ADCY1: variants seen among roughly 807,000 people sequenced by gnomAD.
ADCY1 encodes the protein adenylate cyclase 1.
Under a neutral mutation model 105.4 loss-of-function variants are expected in ADCY1, and 28 were observed. The observed-to-expected ratio is 0.27, with a 90% CI of 0.20 to 0.36. ADCY1 has a LOEUF of 0.36. ADCY1 is among the 10% of genes least tolerant of loss of function. The pLI is 1.00. For missense variants in ADCY1, 977 were observed against 1,434.2 expected (o/e 0.68, Z 5.15); for synonymous variants, 655 against 623.8 (o/e 1.05, Z -0.75).
chr7:45,658,068 G>A (rs1169383691), intron 6 of ADCY1, among the ~76,000 whole-genome samples, 183 bp downstream of exon 6: 3 of 152,222 alleles, frequency 2.0e-5, no homozygotes, highest in African/African-American at 7.2e-5. Context: ...GTCCCACCCA[G>A]CCTGGCTGCC....
At chr7:45,610,356 C>T (rs1793499870) in intron 2 of ADCY1, 23 bp from the exon 3 acceptor site, 2 of 1,605,480 alleles carry the variant, frequency 1.2e-6, no homozygotes, top group East Asian at 2.2e-5. Context: ...GCTGTCTAAC[C>T]CGGGCCCTTC....
intron 1 of ADCY1, 23 bp from the exon 2 acceptor site, chr7:45,592,736 G>C (rs780924447): frequency 1.2e-6 from 2 of 1,613,542 alleles, no homozygotes; most frequent in Admixed American, 1.7e-5. Flanking sequence ...GGCTCCACAT[G>C]TTGCCTCCTT....
intron 11 of ADCY1, among the ~76,000 whole-genome samples, chr7:45,681,776 C>G (rs1037674564): frequency 2.0e-5 from 3 of 152,174 alleles, no homozygotes; most frequent in Admixed American, 6.5e-5. Flanking sequence ...AGGAAGCCAG[C>G]AGGGGATAGG....
intron 2 of ADCY1, among the ~76,000 whole-genome samples, chr7:45,607,351 A>G (rs1289183412): frequency 2.0e-5 from 3 of 152,158 alleles, no homozygotes; most frequent in Non-Finnish European, 4.4e-5. Context: ...TCATCCTCCT[A>G]AACCAAGATG....
At chr7:45,664,018 A>G (rs1795201745) in intron 8 of ADCY1, among the ~76,000 whole-genome samples, 2 of 152,036 alleles carry the variant, frequency 1.3e-5, no homozygotes. Context: ...AAGAGGAAAC[A>G]TAGGGGTAAG....
In ADCY1 at chr7:45,657,897, A is replaced by AAGGGGGGGGG; in HGVS notation, c.1307+12_1307+13insAGGGGGGGGG. 1 of 422,782 alleles carries AAGGGGGGGGG rather than the reference A, an allele frequency of 2.4e-6. No homozygotes were observed. Among genetic ancestry groups the AAGGGGGGGGG allele is most frequent in the Non-Finnish European group, 4.6e-6 (1 of 217,114 alleles). 26.2% of individuals were successfully genotyped at this position (422,782 alleles called of 1,614,324 possible). A position where few individuals can be genotyped will look rare whatever the true frequency, so the allele number is the denominator to read the frequency against. On this transcript the variant is annotated intron_variant, in intron 6 of 19. Transcript: ENST00000297323. ...GCTGGCCTGCCAGGGTAAGTCGGGG[A>AAGGGGGGGGG]TGGGGTGGGGAGGGGAGGGAGGTGG... is the stretch of plus-strand genomic sequence containing the variant.
At chr7:45,648,334 A>G (rs1057240279) in intron 4 of ADCY1, among the ~76,000 whole-genome samples, 5 of 152,230 alleles carry the variant, frequency 3.3e-5, no homozygotes, top group African/African-American at 1.2e-4. Flanking sequence ...GTTGGGGAAG[A>G]TGCCCCATGG....
At chr7:45,619,905 T>C (rs988743311) in intron 3 of ADCY1, among the ~76,000 whole-genome samples, 1 of 152,214 alleles carries the variant, frequency 6.6e-6, no homozygotes. Context: ...TTTAATTACC[T>C]TGATTGTGTC....
At chr7:45,629,818 C>T (rs555857081) in intron 4 of ADCY1, among the ~76,000 whole-genome samples, 18 of 152,258 alleles carry the variant, frequency 1.2e-4, no homozygotes, top group African/African-American at 3.4e-4. Context: ...CGCGCCCGGC[C>T]GTATGCTTAA....
intron 11 of ADCY1, among the ~76,000 whole-genome samples, chr7:45,682,453 C>A (rs1351147447): frequency 2.0e-5 from 3 of 152,118 alleles, no homozygotes; most frequent in African/African-American, 7.2e-5. Context: ...GAGGTGTGCA[C>A]TGGCTGGACC....
intron 4 of ADCY1, among the ~76,000 whole-genome samples, chr7:45,634,016 G>C (rs956391078): frequency 2.0e-5 from 3 of 152,112 alleles, no homozygotes; most frequent in Non-Finnish European, 4.4e-5. Flanking sequence ...ATTTTCAACT[G>C]TGTGGGGGGT....
chr7:45,584,465 C>T (rs538097830), intron 1 of ADCY1, among the ~76,000 whole-genome samples: 3 of 152,338 alleles, frequency 2.0e-5, no homozygotes, highest in Admixed American at 2.0e-4. Flanking sequence ...CCCTTCACAG[C>T]AGGGCCATGC....
At chr7:45,657,920 T>TGGGCTGGG in intron 6 of ADCY1, 35 bp downstream of exon 6, 1 of 460,306 alleles carries the variant, frequency 2.2e-6, no homozygotes, top group Non-Finnish European at 4.1e-6. Context: ...GGGAGGGAGG[T>TGGGCTGGG]GGGTGATGGC....
chr7:45,651,321 G>A (rs893453163), intron 5 of ADCY1, among the ~76,000 whole-genome samples: 5 of 152,130 alleles, frequency 3.3e-5, no homozygotes, highest in Non-Finnish European at 7.4e-5. Flanking sequence ...CCTTCTGTTG[G>A]GACCATCTTG....
At chr7:45,695,182 A>G (rs1020760005) in intron 14 of ADCY1, among the ~76,000 whole-genome samples, 2 of 152,066 alleles carry the variant, frequency 1.3e-5, no homozygotes, top group Non-Finnish European at 2.9e-5. Flanking sequence ...ACTGTCTTTC[A>G]TTGCCTCCTG....
At chr7:45,657,933 T>C (rs756107757) in intron 6 of ADCY1, 48 bp downstream of exon 6, 6 of 1,546,642 alleles carry the variant, frequency 3.9e-6, no homozygotes, top group Non-Finnish European at 5.3e-6. Flanking sequence ...GTGATGGCTG[T>C]GCACCCCTGG....
chr7:45,657,795 G>C lies in ADCY1; in HGVS notation c.1217G>C (p.Cys406Ser). ...RVGLHTGRVLCGVLGLRKWQY... is the reference protein window; with the variant it reads ...RVGLHTGRVLSGVLGLRKWQY... ...GGTCTGCACACGGGCAGGGTCCTCT[G>C]TGGTGTCCTGGGCTTGCGCAAGTGG... Residue 406 changes from cysteine to serine, a missense_variant, in exon 6 of 20, where the codon TGT becomes TCT. Transcript: ENST00000297323. The C allele has an allele frequency of 6.2e-7, 1 of 1,614,004 alleles. No homozygotes were observed. Among genetic ancestry groups the C allele is most frequent in the Non-Finnish European group, 8.5e-7 (1 of 1,179,980 alleles).
intron 12 of ADCY1, 121 bp from the exon 13 acceptor site, chr7:45,685,841 C>G (rs56108410): frequency 9.4e-6 from 12 of 1,270,074 alleles, no homozygotes; most frequent in Non-Finnish European, 1.3e-5. Flanking sequence ...TGTGATAGCA[C>G]TGGGGGTGGG....
upstream of ADCY1, chr7:45,574,200 C>G (rs1792241716): frequency 2.1e-6 from 2 of 945,652 alleles, no homozygotes; most frequent in African/African-American, 3.6e-5. The surrounding 1 kb of genome is among the most constrained non-coding windows in gnomAD (Gnocchi z 7.0). Flanking sequence ...TACTCGAGGT[C>G]ACGCGGCTCC....
Sources: gnomAD v4.1 joint callset for allele counts (sites outside exome capture counted in the v4.1 genomes callset) on GRCh38, gnomAD v4.1.1 for gene constraint, Gnocchi (gnomAD v3.1) non-coding constraint, MANE v1.5 for transcripts, NCBI Gene and HGNC (gene_info 2026-07-23, HGNC 2026-07-21) for gene names.